Variants in GLIS3 observed in about 807,000 individuals in gnomAD.
GLIS3 encodes GLIS family zinc finger 3, also known as zinc finger protein GLIS3.
Under a neutral mutation model 78.6 loss-of-function variants are expected in GLIS3, and 53 were observed. The observed-to-expected ratio is 0.67, with a 90% CI of 0.54 to 0.85. GLIS3 has a LOEUF of 0.85. GLIS3 is among the 40% of genes least tolerant of loss of function. The pLI, the probability that GLIS3 is intolerant of heterozygous loss-of-function variation, is 0.00. For synonymous variants in GLIS3, 684 were observed against 509.9 expected, an observed-to-expected ratio of 1.34 and a Z score of -4.60; for missense variants, 1,703 against 1,231.1, an observed-to-expected ratio of 1.38 and a Z score of -5.74.
At chr9:4,183,751 G>T (rs920014236) in intron 2 of GLIS3, among the ~76,000 whole-genome samples, 2 of 152,158 alleles carry the variant, frequency 1.3e-5, no homozygotes, top group Non-Finnish European at 2.9e-5. Flanking sequence ...CATGACAACT[G>T]ATTAAAGAGT....
At chr9:4,279,975 G>A (rs967536031) in intron 2 of GLIS3, among the ~76,000 whole-genome samples, 6 of 151,744 alleles carry the variant, frequency 4.0e-5, no homozygotes, top group Non-Finnish European at 7.4e-5. Flanking sequence ...AATAATGTAA[G>A]TAGAATGAAA....
intron 4 of GLIS3, among the ~76,000 whole-genome samples, chr9:4,072,131 C>A (rs56708227): frequency 6.6e-6 from 1 of 152,194 alleles, no homozygotes; most frequent in Non-Finnish European, 1.5e-5. Context: ...AACCCTTTAT[C>A]CTTTACTTCC....
intron 2 of GLIS3, among the ~76,000 whole-genome samples, chr9:4,153,474 G>GA (rs1481960884): frequency 1.3e-5 from 2 of 152,112 alleles, no homozygotes; most frequent in Non-Finnish European, 2.9e-5. Context: ...TGAGGAAGGA[G>GA]AATCACTTCA....
chr9:4,308,864 A>G (rs193077979), exon 4 of GLIS3: 1 of 152,258 alleles, frequency 6.6e-6, no homozygotes, highest in East Asian at 1.9e-4. Context: ...CAATTTTAGA[A>G]CCCAGACCCC....
At chr9:3,887,486 G>A (rs568855942) in intron 7 of GLIS3, among the ~76,000 whole-genome samples, 10 of 152,240 alleles carry the variant, frequency 6.6e-5, no homozygotes, top group African/African-American at 2.4e-4. Context: ...AATAAATAAA[G>A]CAAAATGAGA....
intron 4 of GLIS3, among the ~76,000 whole-genome samples, chr9:4,069,034 G>A (rs968298552): frequency 6.6e-6 from 1 of 152,094 alleles, no homozygotes; most frequent in African/African-American, 2.4e-5. Context: ...TTCATGTCAG[G>A]CCAATAGAGT....
Position 4,022,201 on chromosome 9 carries a change from A to G in GLIS3, c.1711-85012T>C, listed in dbSNP as rs146860166. Among the ~76,000 whole-genome samples, 823 of 152,310 alleles carry G rather than the reference A, an allele frequency of 5.4e-3. 11 individuals are homozygous for G. The highest frequency in any genetic ancestry group is 0.019 in the African/African-American group (799 of 41,576). ...TAATATCATCCCTATTTCACAGGTA[A>G]GCAAAAAGAGGCCTTAGAGAGATTA... On this transcript the variant is annotated intron_variant, in intron 4 of 10. Coordinates refer to ENST00000381971, the MANE Select transcript of GLIS3 (RefSeq NM_001042413.2).
chr9:3,852,556 T>G (rs1819501382), intron 9 of GLIS3, among the ~76,000 whole-genome samples: 1 of 152,234 alleles, frequency 6.6e-6, no homozygotes, highest in African/African-American at 2.4e-5. Flanking sequence ...AGGTCTCATT[T>G]TACCCTCAGC....
chr9:4,372,466 C>A, the GLIS3 span, among the ~76,000 whole-genome samples: 1 of 151,272 alleles, frequency 6.6e-6, no homozygotes, highest in Non-Finnish European at 1.5e-5. Context: ...TGCAAACCAA[C>A]CAGTCCAGAG....
At chr9:3,935,226 A>G (rs918288059) in intron 5 of GLIS3, among the ~76,000 whole-genome samples, 5 of 152,182 alleles carry the variant, frequency 3.3e-5, no homozygotes, top group Non-Finnish European at 7.4e-5. Context: ...TGATTTCTAT[A>G]TGATTTTAAA....
chr9:4,177,628 G>C (rs1395369406), intron 2 of GLIS3, among the ~76,000 whole-genome samples: 1 of 152,134 alleles, frequency 6.6e-6, no homozygotes, highest in Non-Finnish European at 1.5e-5. Flanking sequence ...ATCTATTTTA[G>C]CTTCTATGAA....
intron 4 of GLIS3, among the ~76,000 whole-genome samples, chr9:4,020,790 C>G (rs1017744759): frequency 6.6e-5 from 10 of 152,146 alleles, no homozygotes; most frequent in Non-Finnish European, 2.9e-5. Flanking sequence ...AAATAATTAC[C>G]AGCAGCACAC....
chr9:4,271,499 A>T (rs1008373124), intron 2 of GLIS3, among the ~76,000 whole-genome samples: 4 of 152,186 alleles, frequency 2.6e-5, no homozygotes, highest in African/African-American at 7.2e-5. Flanking sequence ...ATCTCCAGGG[A>T]GAAGAATGAA....
intron 2 of GLIS3, among the ~76,000 whole-genome samples, chr9:4,137,456 T>C (rs1254314285): frequency 6.6e-6 from 1 of 152,216 alleles, no homozygotes; most frequent in African/African-American, 2.4e-5. Context: ...AATTTATCCC[T>C]GTATTAAATG....
At chr9:4,220,625 AG>A (rs1251808986) in intron 2 of GLIS3, among the ~76,000 whole-genome samples, 1 of 152,042 alleles carries the variant, frequency 6.6e-6, no homozygotes, top group Non-Finnish European at 1.5e-5. Context: ...GGGCATACTG[AG>A]GCATGTCTGG....
intron 4 of GLIS3, among the ~76,000 whole-genome samples, chr9:4,056,399 C>A (rs1390836915): frequency 6.6e-6 from 1 of 152,172 alleles, no homozygotes. Flanking sequence ...GAGATGGGCA[C>A]CATCTGCTCA....
chr9:3,901,713 T>C (rs754241626), intron 6 of GLIS3, among the ~76,000 whole-genome samples: 5 of 152,216 alleles, frequency 3.3e-5, no homozygotes, highest in Non-Finnish European at 7.3e-5. Context: ...ACACAGGTAG[T>C]GACTGAGACA....
At chr9:3,935,187 A>T (rs1328195039) in intron 5 of GLIS3, among the ~76,000 whole-genome samples, 1 of 152,164 alleles carries the variant, frequency 6.6e-6, no homozygotes, top group Non-Finnish European at 1.5e-5. Flanking sequence ...TCTTCAAGCA[A>T]GTATAGTTTG....
intron 4 of GLIS3, among the ~76,000 whole-genome samples, chr9:3,960,446 C>T (rs947639623): frequency 1.3e-5 from 2 of 152,178 alleles, no homozygotes; most frequent in Non-Finnish European, 2.9e-5. Flanking sequence ...CATTTGCCAC[C>T]ATCTGGAATT....
Sources: gnomAD v4.1 joint callset for allele counts (sites outside exome capture counted in the v4.1 genomes callset) on GRCh38, gnomAD v4.1.1 for gene constraint, MANE v1.5 for transcripts, NCBI Gene and HGNC (gene_info 2026-07-23, HGNC 2026-07-21) for gene names.